CNR1: variants seen among roughly 807,000 people sequenced by gnomAD.
The protein encoded by CNR1 is cannabinoid receptor 1.
In CNR1, 10 loss-of-function variants were observed where a neutral mutation model predicts 23.0. The ratio of observed to expected loss-of-function variants is 0.43; its 90% CI spans 0.27 to 0.74. The LOEUF (loss-of-function observed/expected upper bound fraction) is 0.74, where lower values mean the gene tolerates loss of function less well. Among genes scored for constraint, CNR1 ranks in the 30% least tolerant of loss-of-function variants. The pLI, the probability that CNR1 is intolerant of heterozygous loss-of-function variation, is 0.19. For missense variants in CNR1, 422 were observed against 618.8 expected (o/e 0.68, Z 3.37); for synonymous variants, 271 against 255.2 (o/e 1.06, Z -0.59).
intron 1 of CNR1, among the ~76,000 whole-genome samples, chr6:88,154,838 C>T (rs1392129605): frequency 6.6e-6 from 1 of 152,212 alleles, no homozygotes; most frequent in African/African-American, 2.4e-5. Flanking sequence ...CTCGGCCTCC[C>T]ACAAGTGCTG....
Position 88,143,263 on chromosome 6 carries a change from T to C in CNR1, c.*593A>G, listed in dbSNP as rs1776928877. Reference sequence around the variant, plus strand: ...ATATTTGAAGAAATATTAAGGTTTATTTCTAAAGTTATATCATGGGCAATA... The same window carrying C: ...ATATTTGAAGAAATATTAAGGTTTACTTCTAAAGTTATATCATGGGCAATA... On this transcript the variant is annotated 3_prime_UTR_variant, in exon 2 of 2. Coordinates refer to ENST00000369501, the MANE Select transcript of CNR1 (RefSeq NM_016083.6). 1 of 152,690 alleles carries C rather than the reference T, an allele frequency of 6.5e-6. No individual in the cohort carries two copies. Among genetic ancestry groups the C allele is most frequent in the Non-Finnish European group, 1.5e-5 (1 of 68,050 alleles). The allele number at this position is 152,690 out of a possible 1,614,324, so 9.5% of individuals were successfully genotyped here. A position where few individuals can be genotyped will look rare whatever the true frequency, so the allele number is the denominator to read the frequency against.
chr6:88,145,345 G>T lies in CNR1; in HGVS notation c.-63-8C>A. On this transcript the variant is annotated splice_polypyrimidine_tract_variant and splice_region_variant and intron_variant, in intron 1 of 1. Transcript: ENST00000369501. ...GACCCACAGGGGGCAATCCTAAGAG[G>T]AGGGAAAACAAATAAGCCGAATGGT... The T allele has an allele frequency of 7.9e-7, 1 of 1,264,090 alleles. No individual in the cohort carries two copies. Among genetic ancestry groups the T allele is most frequent in the Non-Finnish European group, 1.1e-6 (1 of 899,712 alleles). 78.3% of individuals were successfully genotyped at this position (1,264,090 alleles called of 1,614,324 possible).
At position 88,144,349 on chromosome 6, in the gene CNR1, A is replaced by C; in HGVS notation, c.926T>G (p.Ile309Ser). 2 of 1,613,810 alleles carry C rather than the reference A, an allele frequency of 1.2e-6. No individual in the cohort carries two copies. Among genetic ancestry groups the C allele is most frequent in the Non-Finnish European group, 1.7e-6 (2 of 1,180,006 alleles). Residue 309 changes from isoleucine to serine, a missense_variant, in exon 2 of 2, where the codon ATT becomes AGT. Ile to Ser is a moderately radical substitution (Grantham distance 142). Transcript: ENST00000369501. This position sits in a 1 kb window ranked among gnomAD's most constrained non-coding sequence, Gnocchi z 7.8. ...WKAHSHAVRM[I>S]QRGTQKSIII... ...GATGCTCTTCTGGGTGCCACGCTGAATCATGCGGACGGCGTGGCTGTGAGC... is the reference window on the plus strand; with the variant it reads ...GATGCTCTTCTGGGTGCCACGCTGACTCATGCGGACGGCGTGGCTGTGAGC...
intron 1 of CNR1, among the ~76,000 whole-genome samples, chr6:88,161,808 T>C (rs535903260): frequency 6.6e-6 from 1 of 152,290 alleles, no homozygotes; most frequent in Admixed American, 6.5e-5. Context: ...TCACCCACCT[T>C]ACAAACCTGC....
intron 1 of CNR1, among the ~76,000 whole-genome samples, chr6:88,154,628 G>C (rs1275799897): frequency 6.6e-6 from 1 of 152,060 alleles, no homozygotes; most frequent in Admixed American, 6.6e-5. Flanking sequence ...ACCCAGGCTG[G>C]AGTGCAGTGG....
chr6:88,157,939 C>T (rs746370796), intron 1 of CNR1, among the ~76,000 whole-genome samples: 46 of 152,134 alleles, frequency 3.0e-4, no homozygotes, highest in Non-Finnish European at 4.3e-4. Flanking sequence ...TCCTATCATT[C>T]TCTCACTAAA....
Position 88,145,255 on chromosome 6 carries a change from C to T in CNR1, c.20G>A (p.Gly7Asp), listed in dbSNP as rs777561684. Residue 7 changes from glycine (G) to aspartate (D), a missense_variant, in exon 2 of 2, where the codon GGC becomes GAC. By Grantham distance (94) the Gly-to-Asp change is moderately conservative. Around this residue, in one of 4 missense-constraint regions of CNR1, gnomAD observed 120 missense variants for 117.6 expected, o/e 1.02. Coordinates refer to ENST00000369501, the MANE Select transcript of CNR1 (RefSeq NM_016083.6). ...GGTGCGGAAGGTGGTATCTGCAAGG[C>T]CATCTAGGATCGACTTCATAACCTC... MKSILD[G>D]LADTTFRTIT... is the part of the protein sequence containing the mutation. 2.3e-5 allele frequency: 37 copies of T among 1,611,950 alleles called. No homozygotes were observed. The East Asian group carries it at 7.4e-4, about 32-fold the overall frequency.
At chr6:88,156,523 AAT>A (rs966549573) in intron 1 of CNR1, among the ~76,000 whole-genome samples, 25 of 152,302 alleles carry the variant, frequency 1.6e-4, no homozygotes, top group African/African-American at 6.0e-4. Context: ...ATATAAAGGG[AAT>A]ATATTTAATC....
intron 1 of CNR1, among the ~76,000 whole-genome samples, chr6:88,160,796 A>G (rs1246551791): frequency 6.6e-6 from 1 of 152,194 alleles, no homozygotes; most frequent in Non-Finnish European, 1.5e-5. Context: ...AATACTCCTT[A>G]AAACTTCACT....
rs1176609071 is a variant in CNR1 at position 88,143,323 on chromosome 6, C to T, written c.*533G>A. On this transcript the variant is annotated 3_prime_UTR_variant, in exon 2 of 2. Transcript: ENST00000369501. ...AAAAGTGCACACATTGACACGTATC[C>T]ACTGCTTGTCCATTGTTCTCATAAA... The T allele has an allele frequency of 6.5e-6, 1 of 153,368 alleles. No individual in the cohort carries two copies. The highest frequency in any genetic ancestry group is 1.5e-5 in the Non-Finnish European group (1 of 68,586). The allele number at this position is 153,368 out of a possible 1,614,324, so 9.5% of individuals were successfully genotyped here.
intron 1 of CNR1, among the ~76,000 whole-genome samples, chr6:88,165,121 T>G (rs550241251): frequency 6.6e-6 from 1 of 152,376 alleles, no homozygotes; most frequent in East Asian, 1.9e-4. Flanking sequence ...TGCATGTTGC[T>G]TTTAAACTTC....
rs1443366860 is a variant in CNR1 at position 88,142,059 on chromosome 6, T to TA, written c.*1796dup. Reference sequence around the variant, plus strand: ...CATTAAGGAGCATGAGACCGGGGTGTAAGAAGAAAGCAGCTGTGTTTATCT... The same window carrying TA: ...CATTAAGGAGCATGAGACCGGGGTGTAAAGAAGAAAGCAGCTGTGTTTATCT... On this transcript the variant is annotated 3_prime_UTR_variant, in exon 2 of 2. Coordinates refer to ENST00000369501, the MANE Select transcript of CNR1 (RefSeq NM_016083.6). The TA allele has an allele frequency of 1.3e-5, 2 of 152,312 alleles. No homozygotes were observed. Among genetic ancestry groups the TA allele is most frequent in the African/African-American group, 4.8e-5 (2 of 41,426 alleles). The allele number at this position is 152,312 out of a possible 1,614,324, so 9.4% of individuals were successfully genotyped here.
chr6:88,145,384 A>C, intron 1 of CNR1, 47 bp from the exon 2 acceptor site: 1 of 875,490 alleles, frequency 1.1e-6, no homozygotes, highest in East Asian at 2.5e-5. Flanking sequence ...AAACAGGAAG[A>C]ATAAAAACAA....
intron 1 of CNR1, among the ~76,000 whole-genome samples, chr6:88,149,454 A>C (rs1442025594): frequency 6.6e-6 from 1 of 152,070 alleles, no homozygotes. Flanking sequence ...TTGCTTAACA[A>C]CTCCATTTAC....
At chr6:88,164,268 G>A (rs903126507) in intron 1 of CNR1, 1 of 152,338 alleles carries the variant, frequency 6.6e-6, no homozygotes, top group Non-Finnish European at 1.5e-5. Flanking sequence ...TCAGCCAAGA[G>A]CGCTCCTCGC....
At chr6:88,150,843 G>C (rs1262055227) in intron 1 of CNR1, among the ~76,000 whole-genome samples, 3 of 152,208 alleles carry the variant, frequency 2.0e-5, no homozygotes, top group South Asian at 2.1e-4. Flanking sequence ...TATGTAAATG[G>C]AGTTGTTTAG....
chr6:88,146,530 A>T (rs1287340286), intron 1 of CNR1, among the ~76,000 whole-genome samples: 3 of 152,202 alleles, frequency 2.0e-5, no homozygotes, highest in Non-Finnish European at 2.9e-5. Flanking sequence ...AAGGATTTCC[A>T]TGTGAACAGC....
Position 88,144,568 on chromosome 6 carries a change from G to A in CNR1, c.707C>T (p.Ala236Val), listed in dbSNP as rs1777039563. The change falls in exon 2 of 2, where the codon GCG becomes GTG. Residue 236 changes from alanine to valine, a missense_variant. Coordinates refer to ENST00000369501, the MANE Select transcript of CNR1 (RefSeq NM_016083.6). This position sits in a 1 kb window ranked among gnomAD's most constrained non-coding sequence, Gnocchi z 7.8. ...RIVTRPKAVV[A>V]FCLMWTIAIV... is the part of the protein sequence containing the mutation. ...GGCTATGGTCCACATCAGGCAAAAC[G>A]CCACCACGGCCTTGGGCCTGGTGAC... is the stretch of plus-strand genomic sequence containing the variant. 1.9e-6 allele frequency: 3 copies of A among 1,614,050 alleles called. No individual in the cohort carries two copies. Among genetic ancestry groups the A allele is most frequent in the Admixed American group, 1.7e-5 (1 of 60,008 alleles).
Position 88,144,729 on chromosome 6 carries a change from G to A in CNR1, c.546C>T (p.Arg182=), listed in dbSNP as rs1777055254. ...ACAGAAACACGTTGCGGCTATCTTT[G>A]CGGTGGAACACGTGGAAGTCAATGA... ...YSFIDFHVFH[R]KDSRNVFLFK... The change falls in exon 2 of 2, where the codon CGC becomes CGT. Residue 182 remains arginine, a synonymous_variant. Coordinates refer to ENST00000369501, the MANE Select transcript of CNR1 (RefSeq NM_016083.6). The surrounding 1 kb of genome is among the most constrained non-coding windows in gnomAD (Gnocchi z 7.8). The A allele has an allele frequency of 6.2e-7, 1 of 1,614,054 alleles. No homozygotes were observed. Among genetic ancestry groups the A allele is most frequent in the Non-Finnish European group, 8.5e-7 (1 of 1,180,052 alleles).
Sources: gnomAD v4.1 joint callset for allele counts (sites outside exome capture counted in the v4.1 genomes callset) on GRCh38, gnomAD v4.1.1 for gene constraint, gnomAD v4.1.1 regional missense constraint, Gnocchi (gnomAD v3.1) non-coding constraint, MANE v1.5 for transcripts, NCBI Gene and HGNC (gene_info 2026-07-23, HGNC 2026-07-21) for gene names.